The following RMDN2 variants were observed in gnomAD, a reference collection of about 807,000 sequenced individuals.
RMDN2 encodes regulator of microtubule dynamics 2, also known as regulator of microtubule dynamics protein 2.
In RMDN2, 61 loss-of-function variants were observed where a neutral mutation model predicts 52.8. The ratio of observed to expected loss-of-function variants is 1.16; its 90% CI spans 0.94 to 1.43. RMDN2 has a LOEUF of 1.43. RMDN2 is among the 40% of genes most tolerant of loss of function. The probability of loss-of-function intolerance (pLI) is 0.00; values close to 1 mark genes in which losing one functional copy is unlikely to be tolerated. For missense variants in RMDN2, 592 were observed against 475.3 expected (o/e 1.25, Z -2.28); for synonymous variants, 180 against 153.1 (o/e 1.18, Z -1.30).
intron 2 of RMDN2, among the ~76,000 whole-genome samples, chr2:37,930,416 A>G (rs947972917): frequency 6.6e-6 from 1 of 151,978 alleles, no homozygotes; most frequent in Non-Finnish European, 1.5e-5. Flanking sequence ...GAAATTTATT[A>G]ATTTTTTTGT....
intron 4 of RMDN2, among the ~76,000 whole-genome samples, chr2:37,979,949 A>C (rs891860545): frequency 3.9e-5 from 6 of 152,204 alleles, no homozygotes; most frequent in Non-Finnish European, 7.3e-5. Context: ...GCAGTTAATT[A>C]TTATTAAAAT....
chr2:38,021,165 ACT>A (rs1168650591), downstream of RMDN2, among the ~76,000 whole-genome samples: 3 of 151,936 alleles, frequency 2.0e-5, no homozygotes, highest in Admixed American at 1.3e-4. Flanking sequence ...TCATGTCCAC[ACT>A]CTGTATCTAG....
intron 10 of RMDN2, among the ~76,000 whole-genome samples, chr2:38,049,096 A>G (rs185984882): frequency 2.9e-4 from 44 of 152,254 alleles, no homozygotes; most frequent in African/African-American, 4.8e-5. Flanking sequence ...ATATAATCCC[A>G]TTTGTTTCCC....
intron 5 of RMDN2, among the ~76,000 whole-genome samples, chr2:37,984,042 G>T (rs1368192753): frequency 2.0e-5 from 3 of 151,972 alleles, no homozygotes; most frequent in Non-Finnish European, 2.9e-5. Context: ...ATTATATGAT[G>T]GTTTACAAAC....
chr2:38,018,468 A>G (rs1011879755), downstream of RMDN2, among the ~76,000 whole-genome samples: 1 of 152,268 alleles, frequency 6.6e-6, no homozygotes, highest in African/African-American at 2.4e-5. Flanking sequence ...TCATAACAGC[A>G]TAGCATTATG....
At chr2:38,037,804 A>G (rs931464453) in intron 10 of RMDN2, among the ~76,000 whole-genome samples, 5 of 152,152 alleles carry the variant, frequency 3.3e-5, no homozygotes, top group African/African-American at 1.2e-4. Context: ...GGCTCTTTTA[A>G]TCCATTCCAC....
At chr2:37,935,747 T>C (rs6754361) in intron 2 of RMDN2, among the ~76,000 whole-genome samples, 62,062 of 152,000 alleles carry the variant, frequency 0.41, 13,284 homozygotes, top group African/African-American at 0.52. Flanking sequence ...TTGTAACATG[T>C]TTTGCAATAA....
At chr2:37,977,101 C>T (rs945770982) in intron 4 of RMDN2, among the ~76,000 whole-genome samples, 14 of 152,094 alleles carry the variant, frequency 9.2e-5, no homozygotes, top group African/African-American at 1.9e-4. Flanking sequence ...CATCTTGCAC[C>T]GCCCTTAATC....
intron 2 of RMDN2, among the ~76,000 whole-genome samples, chr2:37,969,986 G>A (rs1671579961): frequency 6.6e-6 from 1 of 151,714 alleles, no homozygotes; most frequent in African/African-American, 2.4e-5. Context: ...AGGCTGGAGT[G>A]CAGTGGCACA....
chr2:37,989,116 CTT>C (rs1051527706), intron 5 of RMDN2, among the ~76,000 whole-genome samples: 6 of 152,058 alleles, frequency 3.9e-5, no homozygotes, highest in African/African-American at 1.4e-4. Flanking sequence ...TTTAAGTTGA[CTT>C]TAACAGTATT....
intron 2 of RMDN2, among the ~76,000 whole-genome samples, chr2:37,957,163 T>C (rs969981256): frequency 3.9e-5 from 6 of 152,206 alleles, no homozygotes; most frequent in Non-Finnish European, 7.3e-5. Flanking sequence ...ATCCTTTGGG[T>C]ATATATCCCG....
chr2:38,006,634 A>G (rs1035380593), intron 10 of RMDN2, among the ~76,000 whole-genome samples: 5 of 152,292 alleles, frequency 3.3e-5, no homozygotes, highest in Non-Finnish European at 5.9e-5. Flanking sequence ...TAGATATACA[A>G]TCATGTCATC....
intron 10 of RMDN2, among the ~76,000 whole-genome samples, chr2:38,048,641 C>T (rs1446449379): frequency 6.6e-6 from 1 of 152,224 alleles, no homozygotes; most frequent in Non-Finnish European, 1.5e-5. Context: ...GGAGTCAACA[C>T]ATCTGGAAAA....
intron 10 of RMDN2, among the ~76,000 whole-genome samples, chr2:38,062,779 CA>C (rs1238281725): frequency 2.9e-5 from 4 of 136,496 alleles, no homozygotes; most frequent in African/African-American, 7.8e-5. Flanking sequence ...TCCCCCCCCC[CA>C]CAACAGTCCC....
At chr2:38,021,082 T>A (rs1679332859), downstream of RMDN2, among the ~76,000 whole-genome samples, 1 of 152,224 alleles carries the variant, frequency 6.6e-6, no homozygotes. Flanking sequence ...ATCAGCACCC[T>A]GTGTCTAGCT....
At chr2:37,957,260 T>TTTC (rs1669600242) in intron 2 of RMDN2, among the ~76,000 whole-genome samples, 1 of 152,238 alleles carries the variant, frequency 6.6e-6, no homozygotes, top group Non-Finnish European at 1.5e-5. Flanking sequence ...TGAACTAATT[T>TTTC]ACACTCCCAC....
chr2:37,923,250 T>C (rs146028212), upstream of RMDN2: 1 of 152,290 alleles, frequency 6.6e-6, no homozygotes, highest in East Asian at 1.9e-4. Context: ...TCAGATAATT[T>C]TTACTCATCA....
intron 7 of RMDN2, among the ~76,000 whole-genome samples, chr2:37,994,489 A>G (rs1467350592): frequency 6.6e-6 from 1 of 152,240 alleles, no homozygotes; most frequent in African/African-American, 2.4e-5. Flanking sequence ...AATTGAAAAG[A>G]TGAAAACTAG....
At chr2:37,936,626 C>T (rs1667311711) in intron 2 of RMDN2, among the ~76,000 whole-genome samples, 1 of 152,216 alleles carries the variant, frequency 6.6e-6, no homozygotes, top group Non-Finnish European at 1.5e-5. Context: ...TTTTGATTTG[C>T]ACTTCTCCAA....
Sources: allele counts gnomAD v4.1 joint callset (sites outside exome capture counted in the v4.1 genomes callset), GRCh38; gene constraint gnomAD v4.1.1; transcripts MANE v1.5; gene names NCBI Gene and HGNC (gene_info 2026-07-23, HGNC 2026-07-21).